Variants in KLHL15 observed in about 807,000 individuals in gnomAD.
The protein encoded by KLHL15 is kelch like family member 15.
KLHL15 carries 1 observed loss-of-function variant against 29.3 expected under a neutral mutation model. The ratio of observed to expected loss-of-function variants is 0.03; its 90% confidence interval spans 0.01 to 0.16. The LOEUF (loss-of-function observed/expected upper bound fraction) is 0.16, where lower values mean the gene tolerates loss of function less well. Ranked by LOEUF, KLHL15 falls within the 10% of genes least tolerant of loss-of-function variation. The probability of loss-of-function intolerance (pLI) is 1.00; values close to 1 mark genes in which losing one functional copy is unlikely to be tolerated. For missense variants in KLHL15, 215 were observed against 478.5 expected (o/e 0.45, Z 5.14); for synonymous variants, 212 against 184.5 (o/e 1.15, Z -1.21).
chrX:23,999,594 C>CAAAAAA (rs57473929), intron 3 of KLHL15, among the ~76,000 whole-genome samples: 7,094 of 55,136 alleles, frequency 0.13, 824 homozygotes, highest in African/African-American at 0.31. Flanking sequence ...GACTCCGTCT[C>CAAAAAA]AAAAAAAAAA....
intron 3 of KLHL15, among the ~76,000 whole-genome samples, chrX:23,995,238 C>T (rs1166793683): frequency 3.6e-5 from 4 of 110,390 alleles, no homozygotes; most frequent in Non-Finnish European, 7.6e-5. Flanking sequence ...GAAACCCAGT[C>T]TCTAATAAAA....
chrX:24,025,086 G>A (rs897206887), intron 1 of KLHL15, 28 bp from the exon 2 acceptor site: 1 of 295,917 alleles, frequency 3.4e-6, no homozygotes, highest in African/African-American at 2.7e-5. Flanking sequence ...GCTGAGTCGA[G>A]AAACCAGACA....
intron 3 of KLHL15, among the ~76,000 whole-genome samples, chrX:23,991,872 A>G (rs1329408085): frequency 8.9e-6 from 1 of 112,021 alleles, no homozygotes; most frequent in Non-Finnish European, 1.9e-5. Flanking sequence ...AAAAAAACAA[A>G]CAAAAAACAA....
At chrX:23,994,845 ATTAT>A (rs1310607909) in intron 3 of KLHL15, among the ~76,000 whole-genome samples, 1 of 111,452 alleles carries the variant, frequency 9.0e-6, no homozygotes, top group Non-Finnish European at 1.9e-5. Flanking sequence ...TAATTTACTG[ATTAT>A]TTAATAAAAT....
intron 2 of KLHL15, among the ~76,000 whole-genome samples, chrX:24,008,530 C>T (rs1237232077): frequency 8.9e-6 from 1 of 112,159 alleles, no homozygotes; most frequent in Non-Finnish European, 1.9e-5. Flanking sequence ...TGAGCCACTG[C>T]GCCTGGCCAC....
At position 23,987,839 on chromosome X, in the gene KLHL15, G is replaced by C; in HGVS notation, c.*82C>G. 2 of 923,941 alleles carry C rather than the reference G, an allele frequency of 2.2e-6. No individual in the cohort carries two copies. The highest frequency in any genetic ancestry group is 1.5e-6 in the Non-Finnish European group (1 of 669,083). The allele number at this position is 923,941 out of a possible 1,213,427, so 76.1% of individuals were successfully genotyped here. A position where few individuals can be genotyped will look rare whatever the true frequency, so the allele number is the denominator to read the frequency against. On this transcript the variant is annotated 3_prime_UTR_variant, in exon 4 of 4. Transcript: ENST00000328046. ...ATGGCTTTGATAGTAAAACTGGTGA[G>C]GTTTTTCTTTATATGTTTTAATTAA...
intron 3 of KLHL15, among the ~76,000 whole-genome samples, chrX:24,002,167 A>T (rs1929341246): frequency 9.1e-6 from 1 of 110,035 alleles, no homozygotes; most frequent in Non-Finnish European, 1.9e-5. Context: ...ATAAATAAAG[A>T]AAGTATAATA....
chrX:23,995,476 A>ATT (rs34748452), intron 3 of KLHL15, among the ~76,000 whole-genome samples: 32,753 of 102,873 alleles, frequency 0.32, 5,241 homozygotes, highest in African/African-American at 0.58. Flanking sequence ...GTTAGAGTAC[A>ATT]TTTTTTTTTA....
intron 2 of KLHL15, among the ~76,000 whole-genome samples, chrX:24,016,888 GTA>G (rs1929698399): frequency 9.0e-6 from 1 of 110,814 alleles, no homozygotes; most frequent in Non-Finnish European, 1.9e-5. Context: ...CACCTTCTGA[GTA>G]TAGTTTCTCA....
chrX:24,026,088 A>G lies in KLHL15; in HGVS notation c.-209-1030T>C, dbSNP rs186179597. Among the ~76,000 whole-genome samples the G allele has an allele frequency of 1.6e-3, 175 of 112,115 alleles. 1 individual carries two copies. Among genetic ancestry groups the G allele is most frequent in the African/African-American group, 5.2e-3 (160 of 30,932 alleles). ...GAGCTTTTCCATAGCTACCTGTTAT[A>G]AAAGTGACTAGATCTGCGCCAAATG... On this transcript the variant is annotated intron_variant, in intron 1 of 3. Transcript: ENST00000328046.
At chrX:24,016,677 T>C (rs755525761) in intron 2 of KLHL15, among the ~76,000 whole-genome samples, 5 of 107,380 alleles carry the variant, frequency 4.7e-5, no homozygotes, top group East Asian at 6.2e-4. Context: ...AAAAAAAAAA[T>C]TGGGGTACTA....
chrX:24,018,101 T>C (rs1391541807), intron 2 of KLHL15, among the ~76,000 whole-genome samples: 1 of 111,508 alleles, frequency 9.0e-6, no homozygotes, highest in Non-Finnish European at 1.9e-5. Context: ...CAAGGCCCTG[T>C]CTCTAAAAAG....
chrX:24,006,910 CA>C (rs1929454634), intron 2 of KLHL15, among the ~76,000 whole-genome samples: 1 of 111,710 alleles, frequency 9.0e-6, no homozygotes, highest in African/African-American at 3.3e-5. Context: ...AAAGATACAT[CA>C]ATAGTTCATG....
chrX:24,006,854 G>C (rs1929453444), intron 2 of KLHL15, among the ~76,000 whole-genome samples, 154 bp from the exon 3 acceptor site: 1 of 111,830 alleles, frequency 8.9e-6, no homozygotes, highest in Non-Finnish European at 1.9e-5. Flanking sequence ...CTAAAGGTTT[G>C]CAGACTAATA....
intron 3 of KLHL15, among the ~76,000 whole-genome samples, chrX:23,990,129 T>C (rs2147096493): frequency 9.0e-6 from 1 of 110,604 alleles, no homozygotes; most frequent in African/African-American, 3.3e-5. Flanking sequence ...CAAGACCTCA[T>C]CTCTACAAAA....
At chrX:23,989,300 C>G (rs1670524341) in intron 3 of KLHL15, among the ~76,000 whole-genome samples, 1 of 109,166 alleles carries the variant, frequency 9.2e-6, no homozygotes. Flanking sequence ...AAGCACTTCT[C>G]TGCCTCAGCC....
chrX:23,991,275 C>T (rs1211017484), intron 3 of KLHL15, among the ~76,000 whole-genome samples: 1 of 106,324 alleles, frequency 9.4e-6, no homozygotes, highest in African/African-American at 3.5e-5. Flanking sequence ...ATCACTTGAA[C>T]CTGGGAGGCA....
In KLHL15 at chrX:23,998,506, C is replaced by G. The variant is rs1333824715; in HGVS notation, c.705+7483G>C. On this transcript the variant is annotated intron_variant, in intron 3 of 3. Coordinates refer to ENST00000328046, the MANE Select transcript of KLHL15 (RefSeq NM_030624.3). The stretch of plus-strand genomic sequence containing the variant: ...TCTCCTGAACTCGTGATCTGCCCGC[C>G]TCGGCGTCCCAAAGTGCTGGGATTA... Among the ~76,000 whole-genome samples, 4 of 111,752 alleles carry G rather than the reference C, an allele frequency of 3.6e-5. No homozygotes were observed. The East Asian group carries it at 1.1e-3, about 31-fold the overall frequency.
chrX:24,008,871 G>GA (rs58975658), intron 2 of KLHL15, among the ~76,000 whole-genome samples: 6,497 of 74,379 alleles, frequency 0.087, 786 homozygotes, highest in African/African-American at 0.31. Flanking sequence ...ACGCGTGTTA[G>GA]AAAAAAAAAA....
Sources: allele counts gnomAD v4.1 joint callset (sites outside exome capture counted in the v4.1 genomes callset), GRCh38; gene constraint gnomAD v4.1.1; transcripts MANE v1.5; gene names NCBI Gene and HGNC (gene_info 2026-07-23, HGNC 2026-07-21).